PCDHGB4: variants seen among roughly 807,000 people sequenced by gnomAD.
PCDHGB4 encodes protocadherin gamma-B4.
Under a neutral mutation model 60.5 loss-of-function variants are expected in PCDHGB4, and 38 were observed. That is an observed-to-expected ratio of 0.63 (90% CI 0.48 to 0.82). PCDHGB4 has a LOEUF of 0.82. Among genes scored for constraint, PCDHGB4 ranks in the 40% least tolerant of loss-of-function variants. The pLI is 0.00. For missense variants in PCDHGB4, 1,109 were observed against 1,209.6 expected, an observed-to-expected ratio of 0.92 and a Z score of 1.23; for synonymous variants, 456 against 509.7, an observed-to-expected ratio of 0.89 and a Z score of 1.42.
intron 3 of PCDHGB4, 57 bp from the exon 4 acceptor site, chr5:141,510,890 A>G (rs1434557860): frequency 1.2e-5 from 20 of 1,612,748 alleles, no homozygotes; most frequent in South Asian, 3.3e-5. Context: ...GATATAAGAC[A>G]GTGACTGTTG....
In PCDHGB4 at chr5:141,392,992, C is replaced by A. The variant is rs1233401263; in HGVS notation, c.2397+2711C>A. ...CTGGGGCTGGACCCCCGGAAGCTGG[C>A]GAAGCACGGAGTCCGTATCGTCTCC... is the stretch of plus-strand genomic sequence containing the variant. On this transcript the variant is annotated intron_variant, in intron 1 of 3. Transcript: ENST00000519479. 5 of 1,613,818 alleles carry A rather than the reference C, an allele frequency of 3.1e-6. No homozygotes were observed. The Admixed American group carries it at 5.0e-5, about 16-fold the overall frequency.
rs745658462 is a variant in PCDHGB4 at position 141,414,720 on chromosome 5, T to C, written c.2397+24439T>C. 6 of 1,614,132 alleles carry C rather than the reference T, an allele frequency of 3.7e-6. No homozygotes were observed. The East Asian group carries it at 1.3e-4, about 36-fold the overall frequency. ...CATACATATCCATCAACTCAGACAC[T>C]GGCGTCCTGTATGCACTCAGATCCT... On this transcript the variant is annotated intron_variant, in intron 1 of 3. Coordinates refer to ENST00000519479, the MANE Select transcript of PCDHGB4 (RefSeq NM_003736.4).
At position 141,388,316 on chromosome 5, in the gene PCDHGB4, G is replaced by A; in HGVS notation, c.432G>A (p.Glu144=). The change falls in exon 1 of 4, where the codon GAG becomes GAA. Residue 144 remains glutamate (E), a synonymous_variant. Coordinates refer to ENST00000519479, the MANE Select transcript of PCDHGB4 (RefSeq NM_003736.4). ...TQNSFELQIS[E]SAQPGTRFIL... is the part of the protein sequence containing the mutation. ...ATTCCTTTGAGCTGCAAATAAGTGA[G>A]TCTGCACAGCCTGGCACACGATTTA... The A allele has an allele frequency of 6.2e-7, 1 of 1,613,866 alleles. No individual in the cohort carries two copies. Among genetic ancestry groups the A allele is most frequent in the South Asian group, 1.1e-5 (1 of 91,074 alleles).
At chr5:141,464,430 T>C (rs1213919443) in intron 1 of PCDHGB4, among the ~76,000 whole-genome samples, 1 of 151,680 alleles carries the variant, frequency 6.6e-6, no homozygotes, top group Non-Finnish European at 1.5e-5. Flanking sequence ...TATATAGATA[T>C]ATATGTTTGT....
At chr5:141,436,305 T>C (rs2097810667) in intron 1 of PCDHGB4, among the ~76,000 whole-genome samples, 1 of 152,184 alleles carries the variant, frequency 6.6e-6, no homozygotes. Flanking sequence ...AGTTAGAGCA[T>C]GAATAGTCAA....
chr5:141,418,693 T>G, intron 1 of PCDHGB4: 1 of 1,614,040 alleles, frequency 6.2e-7, no homozygotes, highest in Admixed American at 1.7e-5. Flanking sequence ...CAGAGATCAC[T>G]TATTCCTTCT....
intron 1 of PCDHGB4, chr5:141,413,663 AT>A (rs1344545568): frequency 6.2e-7 from 1 of 1,613,844 alleles, no homozygotes; most frequent in African/African-American, 1.3e-5. Flanking sequence ...GAAGCTATTG[AT>A]CCGGATGTGG....
chr5:141,393,473 G>A (rs1190605709), intron 1 of PCDHGB4: 1 of 1,614,044 alleles, frequency 6.2e-7, no homozygotes, highest in East Asian at 2.2e-5. Flanking sequence ...GCGGCAAGCC[G>A]CCTCGCTCTA....
At chr5:141,404,784 C>T (rs780341962) in intron 1 of PCDHGB4, 2 of 1,613,832 alleles carry the variant, frequency 1.2e-6, no homozygotes, top group Non-Finnish European at 1.7e-6. Flanking sequence ...CTATTCAAGG[C>T]CAGTGAGCCA....
intron 1 of PCDHGB4, among the ~76,000 whole-genome samples, chr5:141,444,162 T>A: frequency 8.4e-6 from 1 of 119,238 alleles, no homozygotes. Flanking sequence ...ATTTTTTTTT[T>A]TTTTTTTTTT....
At chr5:141,414,422 G>T (rs369608304) in intron 1 of PCDHGB4, 1 of 1,613,866 alleles carries the variant, frequency 6.2e-7, no homozygotes, top group Non-Finnish European at 8.5e-7. Context: ...GCCCTTGACA[G>T]GGAACAGGTA....
Position 141,422,132 on chromosome 5 carries a change from T to C in PCDHGB4, c.2397+31851T>C, listed in dbSNP as rs768931697. ...CAATTGGATTCACAAACTGGAGAAG[T>C]TCAAGTACGGGGGTCTCTGGATTTT... On this transcript the variant is annotated intron_variant, in intron 1 of 3. Coordinates refer to ENST00000519479, the MANE Select transcript of PCDHGB4 (RefSeq NM_003736.4). The C allele has an allele frequency of 1.2e-5, 19 of 1,598,396 alleles. No individual in the cohort carries two copies. In the South Asian group the frequency reaches 2.0e-4, roughly 17 times the overall value.
At chr5:141,415,552 G>A in intron 1 of PCDHGB4, 1 of 1,614,098 alleles carries the variant, frequency 6.2e-7, no homozygotes, top group Admixed American at 1.7e-5. Context: ...TGAGAAAAAC[G>A]ATCCTTTGTC....
At chr5:141,434,533 C>T (rs6862159) in intron 1 of PCDHGB4, among the ~76,000 whole-genome samples, 18,539 of 152,264 alleles carry the variant, frequency 0.12, 1,259 homozygotes, top group Non-Finnish European at 0.16. Flanking sequence ...AAACCACAAA[C>T]AATAGCATGA....
intron 1 of PCDHGB4, among the ~76,000 whole-genome samples, chr5:141,471,887 G>T (rs1215891997): frequency 6.6e-6 from 1 of 152,152 alleles, no homozygotes; most frequent in African/African-American, 2.4e-5. Context: ...CTGAAGCTAG[G>T]AAGATTGACT....
chr5:141,508,241 T>G (rs1475142426), intron 3 of PCDHGB4: 2 of 152,286 alleles, frequency 1.3e-5, no homozygotes, highest in East Asian at 3.9e-4. Context: ...CTCCTAAGTC[T>G]GCCTCTCCTG....
In PCDHGB4 at chr5:141,422,509, C is replaced by G. The variant is rs1249006816; in HGVS notation, c.2397+32228C>G. On this transcript the variant is annotated intron_variant, in intron 1 of 3. Coordinates refer to ENST00000519479, the MANE Select transcript of PCDHGB4 (RefSeq NM_003736.4). ...CAATATAACGTTGACAGCCACAGAC[C>G]AGGGAAGCCCGCCTTTGTCTGCAGA... The G allele has an allele frequency of 1.9e-6, 3 of 1,613,836 alleles. No homozygotes were observed. In the South Asian group the frequency reaches 3.3e-5, roughly 18 times the overall value.
At chr5:141,399,532 C>G (rs552966531) in intron 1 of PCDHGB4, 28 of 1,614,066 alleles carry the variant, frequency 1.7e-5, no homozygotes, top group Non-Finnish European at 2.2e-5. Flanking sequence ...CTCCATCGCG[C>G]AAGTCTGCGC....
chr5:141,415,756 T>C, intron 1 of PCDHGB4: 2 of 1,387,344 alleles, frequency 1.4e-6, no homozygotes, highest in Non-Finnish European at 1.9e-6. Flanking sequence ...TTTTTTTTTT[T>C]TTTTTTTTTT....
Sources: allele counts gnomAD v4.1 joint callset (sites outside exome capture counted in the v4.1 genomes callset), GRCh38; gene constraint gnomAD v4.1.1; transcripts MANE v1.5; gene names NCBI Gene and HGNC (gene_info 2026-07-23, HGNC 2026-07-21).